FSHR: variants seen among roughly 807,000 people sequenced by gnomAD.
FSHR encodes follicle stimulating hormone receptor.
A neutral mutation model predicts 52.1 loss-of-function variants in FSHR; 46 were observed. The observed-to-expected ratio is 0.88, with a 90% CI of 0.70 to 1.13. FSHR has a LOEUF of 1.13. Among genes scored for constraint, FSHR ranks in the 50% most tolerant of loss-of-function variants. The pLI is 0.00. For missense variants in FSHR, 964 were observed against 834.6 expected, an observed-to-expected ratio of 1.16 and a Z score of -1.91; for synonymous variants, 399 against 309.6, an observed-to-expected ratio of 1.29 and a Z score of -3.03.
At chr2:49,001,227 C>T (rs1666870553) in intron 4 of FSHR, among the ~76,000 whole-genome samples, 1 of 152,064 alleles carries the variant, frequency 6.6e-6, no homozygotes, top group South Asian at 2.1e-4. Flanking sequence ...TCATTTAACG[C>T]TGCCCATAAC....
At chr2:49,126,390 A>C (rs72821785) in intron 1 of FSHR, among the ~76,000 whole-genome samples, 9 of 152,312 alleles carry the variant, frequency 5.9e-5, no homozygotes, top group Non-Finnish European at 1.3e-4. Flanking sequence ...CCATTCCTGC[A>C]ATAATGCATA....
chr2:49,085,730 A>T (rs930464232), intron 1 of FSHR, among the ~76,000 whole-genome samples: 60 of 152,204 alleles, frequency 3.9e-4, no homozygotes, highest in Admixed American at 3.6e-3. Context: ...TCCAACAATG[A>T]TAGACTGGAT....
intron 1 of FSHR, among the ~76,000 whole-genome samples, chr2:49,115,594 C>G (rs544703605): frequency 6.6e-6 from 1 of 152,204 alleles, no homozygotes; most frequent in South Asian, 2.1e-4. Flanking sequence ...AGTGATGGAG[C>G]TGGGATTTGA....
Position 49,071,816 on chromosome 2 carries a change from G to C in FSHR, c.153-3526C>G, listed in dbSNP as rs182820933. On this transcript the variant is annotated intron_variant, in intron 1 of 9. Transcript: ENST00000406846. ...GGCAACGGATGAAGGATGAGGAAGG[G>C]AAGGGAGATGCTAGGCTCTTTTCAA... 1.2e-4 allele frequency among the ~76,000 whole-genome samples: 19 copies of C among 152,192 alleles called. No homozygotes were observed. The East Asian group carries it at 3.7e-3, about 29-fold the overall frequency.
chr2:48,997,939 C>A (rs901577580), intron 4 of FSHR, among the ~76,000 whole-genome samples: 2 of 152,080 alleles, frequency 1.3e-5, no homozygotes, highest in Non-Finnish European at 2.9e-5. Context: ...CTCCTGCCCT[C>A]GTTCTCTAAT....
At chr2:49,119,557 C>T (rs1671729214) in intron 1 of FSHR, among the ~76,000 whole-genome samples, 1 of 151,972 alleles carries the variant, frequency 6.6e-6, no homozygotes, top group African/African-American at 2.4e-5. Flanking sequence ...ATTTTAGATC[C>T]TTGGTTTGTT....
intron 6 of FSHR, among the ~76,000 whole-genome samples, chr2:48,985,992 C>G (rs1675494113): frequency 6.6e-6 from 1 of 152,152 alleles, no homozygotes; most frequent in South Asian, 2.1e-4. Flanking sequence ...GGATTACAGG[C>G]GTGAGCCACC....
At chr2:49,015,180 A>G (rs1044675224) in intron 4 of FSHR, among the ~76,000 whole-genome samples, 9 of 152,158 alleles carry the variant, frequency 5.9e-5, no homozygotes, top group East Asian at 1.9e-4. Flanking sequence ...ATAAATATCA[A>G]TGTTCTATTT....
intron 1 of FSHR, among the ~76,000 whole-genome samples, chr2:49,148,261 C>T (rs1282930399): frequency 3.3e-5 from 5 of 151,874 alleles, no homozygotes; most frequent in East Asian, 1.9e-4. Context: ...TTCTAGTCAA[C>T]GTCTCTTTCT....
At chr2:49,028,117 G>A (rs986930627) in intron 2 of FSHR, among the ~76,000 whole-genome samples, 8 of 152,130 alleles carry the variant, frequency 5.3e-5, no homozygotes, top group African/African-American at 1.2e-4. Context: ...AGTGAGGTGC[G>A]AGGTTGGAGT....
At chr2:48,963,994 C>G (rs1674360138) in intron 9 of FSHR, 28 bp from the exon 10 acceptor site, 1 of 1,601,688 alleles carries the variant, frequency 6.2e-7, no homozygotes, top group African/African-American at 1.3e-5. Context: ...GAAATAGAAT[C>G]AACATCTCAG....
intron 1 of FSHR, among the ~76,000 whole-genome samples, chr2:49,148,363 A>G (rs1297010748): frequency 6.6e-6 from 1 of 152,042 alleles, no homozygotes; most frequent in African/African-American, 2.4e-5. Context: ...AAGCTATCCG[A>G]TCCTATACTA....
At chr2:49,006,073 A>G (rs1303698337) in intron 4 of FSHR, among the ~76,000 whole-genome samples, 1 of 152,106 alleles carries the variant, frequency 6.6e-6, no homozygotes, top group Non-Finnish European at 1.5e-5. Flanking sequence ...TTAGACTCCA[A>G]GTTCTTCAGA....
rs201378858 is a variant in FSHR, at chr2:48,983,031, A to G, written c.594-45T>C. ...AAGAAGAAGGAAAACACAAAGCCAC[A>G]TAAATATTGCTGTTGTAAGAGCCAT... On this transcript the variant is annotated intron_variant, in intron 7 of 9. Transcript: ENST00000406846. The G allele has an allele frequency of 1.1e-4, 173 of 1,608,564 alleles. No homozygotes were observed. The East Asian group carries it at 2.6e-3, about 24-fold the overall frequency.
At chr2:49,022,901 ACCAC>A (rs1250032466) in intron 2 of FSHR, among the ~76,000 whole-genome samples, 5 of 152,140 alleles carry the variant, frequency 3.3e-5, no homozygotes, top group Non-Finnish European at 1.5e-5. Flanking sequence ...ACACATGAGA[ACCAC>A]CTAGAGATCT....
Position 49,020,071 on chromosome 2 carries a change from A to C in FSHR, c.299+15T>G, listed in dbSNP as rs1478006672. The C allele has an allele frequency of 6.2e-7, 1 of 1,610,326 alleles. No individual in the cohort carries two copies. Among genetic ancestry groups the C allele is most frequent in the Admixed American group, 1.7e-5 (1 of 59,974 alleles). On this transcript the variant is annotated intron_variant, in intron 3 of 9. Transcript: ENST00000406846. The stretch of plus-strand genomic sequence containing the variant: ...AAGAATGGCCATGAGCAAATCCCCC[A>C]ATCTTCTTGCTTACATTTCATGTAA...
chr2:49,020,556 TG>T (rs1191596776), intron 2 of FSHR, among the ~76,000 whole-genome samples: 1 of 152,062 alleles, frequency 6.6e-6, no homozygotes, highest in African/African-American at 2.4e-5. Context: ...TTTTTGCCCT[TG>T]CTGTGGTATT....
At chr2:49,021,078 A>C (rs1432236416) in intron 2 of FSHR, among the ~76,000 whole-genome samples, 1 of 152,224 alleles carries the variant, frequency 6.6e-6, no homozygotes, top group Non-Finnish European at 1.5e-5. Flanking sequence ...CATCCTGCAC[A>C]TGTACCCTGG....
At chr2:49,086,789 C>T (rs775793880) in intron 1 of FSHR, among the ~76,000 whole-genome samples, 11 of 152,088 alleles carry the variant, frequency 7.2e-5, no homozygotes, top group African/African-American at 9.7e-5. Context: ...TACAGGTGCC[C>T]GCCATCATGT....
Sources: gnomAD v4.1 joint callset for allele counts (sites outside exome capture counted in the v4.1 genomes callset) on GRCh38, gnomAD v4.1.1 for gene constraint, MANE v1.5 for transcripts, NCBI Gene and HGNC (gene_info 2026-07-23, HGNC 2026-07-21) for gene names.